PPP2R3A: variants seen among roughly 807,000 people sequenced by gnomAD.
PPP2R3A encodes the protein serine/threonine-protein phosphatase 2A regulatory subunit B'' subunit alpha.
A neutral mutation model predicts 106.9 loss-of-function variants in PPP2R3A; 80 were observed. The ratio of observed to expected loss-of-function variants is 0.75; its 90% confidence interval spans 0.62 to 0.90. PPP2R3A has a LOEUF of 0.90. Among genes scored for constraint, PPP2R3A ranks in the 40% least tolerant of loss-of-function variants. PPP2R3A has a pLI of 0.00. For missense variants in PPP2R3A, 1,386 were observed against 1,350.4 expected (o/e 1.03, Z -0.41); for synonymous variants, 483 against 468.3 (o/e 1.03, Z -0.41).
intron 12 of PPP2R3A, among the ~76,000 whole-genome samples, chr3:136,103,714 G>T (rs745693197): frequency 6.6e-6 from 1 of 152,240 alleles, no homozygotes; most frequent in South Asian, 2.1e-4. Flanking sequence ...ATCTGTATTA[G>T]AAACTATATT....
chr3:135,970,990 C>G (rs978365454), intron 1 of PPP2R3A, among the ~76,000 whole-genome samples: 5 of 152,074 alleles, frequency 3.3e-5, no homozygotes, highest in African/African-American at 1.2e-4. Flanking sequence ...GATCTGGGCT[C>G]CAGTGACCCT....
intron 5 of PPP2R3A, among the ~76,000 whole-genome samples, chr3:136,053,874 C>CAA (rs1935766429): frequency 1.3e-5 from 2 of 152,188 alleles, no homozygotes; most frequent in African/African-American, 4.8e-5. Flanking sequence ...AAAATTATAT[C>CAA]AAATTATATC....
intron 1 of PPP2R3A, among the ~76,000 whole-genome samples, chr3:135,983,124 A>G (rs916048042): frequency 6.6e-6 from 1 of 152,182 alleles, no homozygotes; most frequent in African/African-American, 2.4e-5. Context: ...GAGCTAAGCA[A>G]TGGGTTCTGT....
chr3:136,145,265 T>G lies in PPP2R3A; in HGVS notation c.*99T>G. On this transcript the variant is annotated 3_prime_UTR_variant, in exon 14 of 14. Transcript: ENST00000264977. ...CATACTGCTTTTTAAAGACTTTGAT[T>G]TCTCCAAGTGTGTATCATCTGCACT... The G allele has an allele frequency of 7.1e-7, 1 of 1,403,432 alleles. No individual in the cohort carries two copies. Among genetic ancestry groups the G allele is most frequent in the Non-Finnish European group, 9.5e-7 (1 of 1,052,346 alleles). 86.9% of individuals were successfully genotyped at this position (1,403,432 alleles called of 1,614,324 possible).
chr3:136,124,118 CTT>C (rs1448153568), intron 13 of PPP2R3A, among the ~76,000 whole-genome samples: 1 of 152,102 alleles, frequency 6.6e-6, no homozygotes, highest in Non-Finnish European at 1.5e-5. Flanking sequence ...ATGACACACT[CTT>C]AAGATGCATA....
intron 2 of PPP2R3A, among the ~76,000 whole-genome samples, chr3:136,009,082 A>G (rs901964532): frequency 1.3e-5 from 2 of 152,020 alleles, no homozygotes; most frequent in African/African-American, 4.8e-5. Context: ...CTCTGAATTC[A>G]TGATGATTTA....
intron 3 of PPP2R3A, among the ~76,000 whole-genome samples, chr3:136,028,667 T>C (rs1934752873): frequency 6.6e-6 from 1 of 152,230 alleles, no homozygotes; most frequent in Admixed American, 6.5e-5. Flanking sequence ...CCAATTCTTT[T>C]AGAGGTGGCT....
intron 9 of PPP2R3A, among the ~76,000 whole-genome samples, chr3:136,089,431 A>G (rs1182968535): frequency 6.6e-6 from 1 of 151,856 alleles, no homozygotes; most frequent in African/African-American, 2.4e-5. Flanking sequence ...CTTCTGCTCC[A>G]TTGGTCTGTG....
intron 12 of PPP2R3A, among the ~76,000 whole-genome samples, chr3:136,105,681 G>A (rs1186454313): frequency 5.3e-5 from 8 of 152,040 alleles, no homozygotes; most frequent in African/African-American, 1.9e-4. Flanking sequence ...GTTGGAATCA[G>A]CCAGCCACGG....
At chr3:135,966,824 A>G (rs1327204685) in intron 1 of PPP2R3A, among the ~76,000 whole-genome samples, 1 of 152,162 alleles carries the variant, frequency 6.6e-6, no homozygotes, top group Non-Finnish European at 1.5e-5. Flanking sequence ...TCATTTATGT[A>G]CAAAACATCC....
chr3:136,080,422 G>C (rs2107927263), intron 7 of PPP2R3A, among the ~76,000 whole-genome samples: 1 of 152,234 alleles, frequency 6.6e-6, no homozygotes, highest in Middle Eastern at 3.4e-3. Flanking sequence ...TAATTTGGTG[G>C]ATTCTGCCAA....
intron 5 of PPP2R3A, among the ~76,000 whole-genome samples, chr3:136,066,698 TTTTA>T (rs146518885): frequency 0.016 from 2,444 of 152,094 alleles, 65 homozygotes; most frequent in African/African-American, 0.056. Context: ...TGCTGCACAC[TTTTA>T]AACAACCAGA....
intron 5 of PPP2R3A, among the ~76,000 whole-genome samples, chr3:136,069,364 A>C (rs1286310478): frequency 6.6e-6 from 1 of 152,008 alleles, no homozygotes; most frequent in Non-Finnish European, 1.5e-5. Context: ...ATCACTTGAC[A>C]CCAGTAGTTC....
intron 5 of PPP2R3A, among the ~76,000 whole-genome samples, chr3:136,054,267 T>C (rs1019908238): frequency 2.1e-5 from 3 of 145,996 alleles, no homozygotes; most frequent in African/African-American, 5.1e-5. Flanking sequence ...TTTTTTTTTT[T>C]TTTTTTTTTT....
rs571546939 is a variant in PPP2R3A at position 135,979,245 on chromosome 3, G to A, written c.-441+13396G>A. Reference sequence around the variant, plus strand: ...AATACGAAAATTAGCCGGGTGTGATGGCACACACCTGCAATCCCAGCTACT... The same window carrying A: ...AATACGAAAATTAGCCGGGTGTGATAGCACACACCTGCAATCCCAGCTACT... On this transcript the variant is annotated intron_variant, in intron 1 of 13. Coordinates refer to ENST00000264977, the MANE Select transcript of PPP2R3A (RefSeq NM_002718.5). 6.6e-5 allele frequency among the ~76,000 whole-genome samples: 10 copies of A among 151,650 alleles called. No homozygotes were observed. In the South Asian group the frequency reaches 2.1e-3, roughly 31 times the overall value.
chr3:135,979,311 G>A (rs57594457), intron 1 of PPP2R3A, among the ~76,000 whole-genome samples: 51,009 of 151,206 alleles, frequency 0.34, 9,734 homozygotes, highest in African/African-American at 0.5. Context: ...CTCAGGAGGC[G>A]GAGGTTGCGG....
chr3:136,125,828 C>T (rs1306834381), intron 13 of PPP2R3A, among the ~76,000 whole-genome samples: 2 of 152,072 alleles, frequency 1.3e-5, no homozygotes, highest in Non-Finnish European at 2.9e-5. Context: ...GAAAGGTTGG[C>T]TTATTCAAAA....
chr3:135,977,624 T>C (rs896785423), intron 1 of PPP2R3A, among the ~76,000 whole-genome samples: 20 of 151,982 alleles, frequency 1.3e-4, no homozygotes, highest in African/African-American at 4.3e-4. Context: ...AAAATATAAT[T>C]GTGCTAAATT....
intron 4 of PPP2R3A, among the ~76,000 whole-genome samples, chr3:136,048,803 G>A (rs1559888583): frequency 6.6e-6 from 1 of 152,144 alleles, no homozygotes. Context: ...TATTGGCAGT[G>A]GGAGACAGAA....
Sources: gnomAD v4.1 joint callset for allele counts (sites outside exome capture counted in the v4.1 genomes callset) on GRCh38, gnomAD v4.1.1 for gene constraint, MANE v1.5 for transcripts, NCBI Gene and HGNC (gene_info 2026-07-23, HGNC 2026-07-21) for gene names.